Variants in AMBRA1 observed in about 807,000 individuals in gnomAD.
AMBRA1 encodes the protein activating molecule in BECN1-regulated autophagy protein 1.
Under a neutral mutation model 125.4 loss-of-function variants are expected in AMBRA1, and 47 were observed. The observed-to-expected ratio is 0.37, with a 90% CI of 0.30 to 0.48. The LOEUF is 0.48. AMBRA1 is among the 20% of genes least tolerant of loss of function. AMBRA1 has a pLI of 0.99. For synonymous variants in AMBRA1, 626 were observed against 655.5 expected (o/e 0.95, Z 0.69); for missense variants, 1,331 against 1,693.4 (o/e 0.79, Z 3.76).
chr11:46,414,231 C>G lies in AMBRA1; in HGVS notation c.3116+3682G>C, dbSNP rs1170557877. Reference sequence around the variant, plus strand: ...GTGACACGACGGGAGAGGATCAGACCAAAGATGCCTGGTGTCTCTGCAGCG... The same window carrying G: ...GTGACACGACGGGAGAGGATCAGACGAAAGATGCCTGGTGTCTCTGCAGCG... On this transcript the variant is annotated intron_variant, in intron 15 of 17. Transcript: ENST00000683756. Among the ~76,000 whole-genome samples the G allele has an allele frequency of 3.3e-5, 5 of 152,334 alleles. No individual in the cohort carries two copies. The East Asian group carries it at 9.7e-4, about 29-fold the overall frequency.
At chr11:46,445,407 T>C (rs1190761834) in intron 11 of AMBRA1, among the ~76,000 whole-genome samples, 1 of 152,108 alleles carries the variant, frequency 6.6e-6, no homozygotes, top group Non-Finnish European at 1.5e-5. Context: ...AAATCTCTAT[T>C]TGAGGTCCCT....
chr11:46,463,278 G>A (rs559779069), intron 11 of AMBRA1, among the ~76,000 whole-genome samples: 1 of 152,282 alleles, frequency 6.6e-6, no homozygotes, highest in East Asian at 1.9e-4. Flanking sequence ...AAGTATACCT[G>A]TTCTATTCCC....
At chr11:46,450,506 C>G (rs148287938) in intron 11 of AMBRA1, among the ~76,000 whole-genome samples, 250 of 151,756 alleles carry the variant, frequency 1.6e-3, no homozygotes, top group African/African-American at 5.7e-3. Context: ...GTGGTGCAAT[C>G]ACGGCTCACG....
chr11:46,568,107 C>T (rs113446918), intron 1 of AMBRA1, among the ~76,000 whole-genome samples: 11,125 of 151,906 alleles, frequency 0.073, 608 homozygotes, highest in Middle Eastern at 0.12. Context: ...GAGATCCTGC[C>T]GCTGCACTCC....
intron 11 of AMBRA1, among the ~76,000 whole-genome samples, chr11:46,451,432 T>C (rs904855982): frequency 2.0e-5 from 3 of 152,160 alleles, no homozygotes; most frequent in Non-Finnish European, 4.4e-5. Context: ...GAAACTCTTC[T>C]CTTCTGTTGC....
At chr11:46,436,674 G>T (rs972279215) in intron 12 of AMBRA1, among the ~76,000 whole-genome samples, 1 of 151,788 alleles carries the variant, frequency 6.6e-6, no homozygotes, top group South Asian at 2.1e-4. Context: ...AACAAAACAC[G>T]GCAATATCCC....
chr11:46,456,497 A>G (rs1277040567), intron 11 of AMBRA1, among the ~76,000 whole-genome samples: 2 of 152,242 alleles, frequency 1.3e-5, no homozygotes, highest in South Asian at 2.1e-4. Flanking sequence ...CAGCAGCATA[A>G]GAATGGGCAA....
intron 11 of AMBRA1, among the ~76,000 whole-genome samples, chr11:46,458,817 A>G (rs971817111): frequency 6.6e-6 from 1 of 152,290 alleles, no homozygotes; most frequent in African/African-American, 2.4e-5. Context: ...ATCCATAAAC[A>G]TGAAATACAC....
Position 46,493,933 on chromosome 11 carries a change from A to T in AMBRA1, c.2420+191T>A. On this transcript the variant is annotated intron_variant, in intron 10 of 17. Transcript: ENST00000683756. ...TTCTGTTCTTAAACAGGATTCTCCCAGCACCACTTTTTCATCTCTTTTGAA... is the reference window on the plus strand; with the variant it reads ...TTCTGTTCTTAAACAGGATTCTCCCTGCACCACTTTTTCATCTCTTTTGAA... 5 of 658,028 alleles carry T rather than the reference A, an allele frequency of 7.6e-6. No individual in the cohort carries two copies. The South Asian group carries it at 1.0e-4, about 13-fold the overall frequency. 40.8% of individuals were successfully genotyped at this position (658,028 alleles called of 1,614,324 possible).
intron 12 of AMBRA1, among the ~76,000 whole-genome samples, chr11:46,437,669 G>T (rs773431100): frequency 3.9e-5 from 6 of 152,178 alleles, no homozygotes; most frequent in African/African-American, 1.4e-4. Flanking sequence ...GCTTCCTCTC[G>T]TAAGGCTGAA....
intron 12 of AMBRA1, among the ~76,000 whole-genome samples, chr11:46,441,304 A>G (rs998522700): frequency 3.9e-5 from 6 of 152,220 alleles, no homozygotes; most frequent in Non-Finnish European, 8.8e-5. Context: ...ACCTGAGGTC[A>G]GGAGTTCGAG....
In AMBRA1 at chr11:46,511,657, TA is replaced by T. The variant is rs1438463772; in HGVS notation, c.2159+1069del. 3.3e-5 allele frequency among the ~76,000 whole-genome samples: 5 copies of T among 152,186 alleles called. No homozygotes were observed. In the East Asian group the frequency reaches 9.6e-4, roughly 29 times the overall value. On this transcript the variant is annotated intron_variant, in intron 8 of 17. Transcript: ENST00000683756. The stretch of plus-strand genomic sequence containing the variant: ...CCTCCTAATGTGCTCTAGTATTGCT[TA>T]AATAATGTGCCTTTTTAGATCACGA...
At chr11:46,522,522 A>G (rs12272795) in intron 7 of AMBRA1, among the ~76,000 whole-genome samples, 27,235 of 151,392 alleles carry the variant, frequency 0.18, 2,636 homozygotes, top group African/African-American at 0.25. Flanking sequence ...AATCTATGGG[A>G]AAAAAAAAGG....
At chr11:46,417,785 G>A in intron 15 of AMBRA1, 128 bp downstream of exon 15, 1 of 1,148,370 alleles carries the variant, frequency 8.7e-7, no homozygotes. Context: ...TTAAGGAGTG[G>A]CGCTGAGAAT....
chr11:46,520,651 A>T (rs1951718333), intron 7 of AMBRA1, among the ~76,000 whole-genome samples: 1 of 148,152 alleles, frequency 6.7e-6, no homozygotes, highest in Non-Finnish European at 1.5e-5. Flanking sequence ...GCTGGAGTGC[A>T]GTGGCGTGGT....
At chr11:46,488,402 G>A (rs1950336057) in intron 11 of AMBRA1, among the ~76,000 whole-genome samples, 1 of 151,828 alleles carries the variant, frequency 6.6e-6, no homozygotes, top group African/African-American at 2.4e-5. Flanking sequence ...GTTGCAGTGA[G>A]CTGAGATTGC....
chr11:46,478,867 C>T (rs1211601345), intron 11 of AMBRA1, among the ~76,000 whole-genome samples: 2 of 152,138 alleles, frequency 1.3e-5, no homozygotes, highest in East Asian at 3.9e-4. Context: ...CTTTGGTATG[C>T]TGAAGCTTTC....
At position 46,544,366 on chromosome 11, in the gene AMBRA1, C is replaced by CA. The variant is rs1591078871; in HGVS notation, c.552-326dup. 2.0e-5 allele frequency among the ~76,000 whole-genome samples: 3 copies of CA among 152,304 alleles called. 1 individual carries two copies. In the East Asian group the frequency reaches 5.8e-4, roughly 29 times the overall value. On this transcript the variant is annotated intron_variant, in intron 5 of 17. Coordinates refer to ENST00000683756, the MANE Select transcript of AMBRA1 (RefSeq NM_001387011.1). ...CTAACCGTAAAGCATAAAATGCTCT[C>CA]ATACTCTGCCACAGAATCAGTTCTT...
intron 9 of AMBRA1, chr11:46,494,733 T>A: frequency 6.5e-6 from 1 of 153,156 alleles, no homozygotes; most frequent in Non-Finnish European, 1.5e-5. Context: ...GAAAAAAAAA[T>A]GCACAAGAAA....
Sources: gnomAD v4.1 joint callset for allele counts (sites outside exome capture counted in the v4.1 genomes callset) on GRCh38, gnomAD v4.1.1 for gene constraint, MANE v1.5 for transcripts, NCBI Gene and HGNC (gene_info 2026-07-23, HGNC 2026-07-21) for gene names.